Variants in MRGPRX3 observed in about 807,000 individuals in gnomAD.
The protein encoded by MRGPRX3 is MAS related GPR family member X3.
In MRGPRX3, 14 loss-of-function variants were observed where a neutral mutation model predicts 16.5. The ratio of observed to expected loss-of-function variants is 0.85; its 90% confidence interval spans 0.56 to 1.33. The LOEUF (loss-of-function observed/expected upper bound fraction) is 1.33, where lower values mean the gene tolerates loss of function less well. Ranked by LOEUF, MRGPRX3 falls within the 40% of genes most tolerant of loss-of-function variation. MRGPRX3 has a pLI of 0.00. For missense variants in MRGPRX3, 449 were observed against 413.0 expected, an observed-to-expected ratio of 1.09 and a Z score of -0.76; for synonymous variants, 199 against 180.1, an observed-to-expected ratio of 1.10 and a Z score of -0.84.
chr11:18,121,790 G>C (rs556992415), intron 1 of MRGPRX3, among the ~76,000 whole-genome samples: 2 of 152,220 alleles, frequency 1.3e-5, no homozygotes, highest in South Asian at 2.1e-4. Flanking sequence ...TTAAACAGAC[G>C]CTTGAAGGCA....
At chr11:18,132,563 G>A (rs1362494609), upstream of MRGPRX3, 2 of 152,202 alleles carry the variant, frequency 1.3e-5, no homozygotes, top group Admixed American at 1.3e-4. Flanking sequence ...GAAATAACAA[G>A]ACTGTCCAGC....
At chr11:18,131,561 A>C (rs1016733768), upstream of MRGPRX3, among the ~76,000 whole-genome samples, 1 of 152,190 alleles carries the variant, frequency 6.6e-6, no homozygotes, top group Admixed American at 6.5e-5. Flanking sequence ...GTGGTGATAA[A>C]GGAACACTTT....
chr11:18,127,504 G>A (rs955502916), intron 1 of MRGPRX3, among the ~76,000 whole-genome samples: 1 of 151,992 alleles, frequency 6.6e-6, no homozygotes, highest in Non-Finnish European at 1.5e-5. Context: ...TTCTCTTCTT[G>A]CTTCATTTCA....
At chr11:18,122,313 A>G (rs1848848408) in intron 1 of MRGPRX3, among the ~76,000 whole-genome samples, 1 of 152,130 alleles carries the variant, frequency 6.6e-6, no homozygotes, top group Non-Finnish European at 1.5e-5. Flanking sequence ...TTAACTTGTC[A>G]TTTACATTAG....
chr11:18,124,459 T>C (rs1268123996), intron 1 of MRGPRX3, among the ~76,000 whole-genome samples: 7 of 152,248 alleles, frequency 4.6e-5, no homozygotes, highest in Non-Finnish European at 8.8e-5. Flanking sequence ...GTGGTTTTTG[T>C]CTTTGGTTCT....
chr11:18,131,524 C>A (rs1473867519), upstream of MRGPRX3, among the ~76,000 whole-genome samples: 1 of 152,072 alleles, frequency 6.6e-6, no homozygotes, highest in Non-Finnish European at 1.5e-5. Context: ...ATTTAAAAAT[C>A]TAAAAATAAT....
chr11:18,123,984 CTGTT>C (rs59985572), intron 1 of MRGPRX3, among the ~76,000 whole-genome samples: 7,743 of 152,136 alleles, frequency 0.051, 648 homozygotes, highest in African/African-American at 0.18. Flanking sequence ...ATTTGGCTCT[CTGTT>C]TGTCTGTTAT....
upstream of MRGPRX3, among the ~76,000 whole-genome samples, chr11:18,128,607 G>A (rs974469249): frequency 5.9e-5 from 9 of 152,204 alleles, no homozygotes; most frequent in Admixed American, 2.0e-4. Flanking sequence ...CTGGTGTGCC[G>A]TTTGCTAAGA....
chr11:18,132,988 T>C (rs1848976480), intron 1 of MRGPRX3, among the ~76,000 whole-genome samples: 1 of 152,188 alleles, frequency 6.6e-6, no homozygotes, highest in South Asian at 2.1e-4. Flanking sequence ...CAATCTGCCC[T>C]CATGGAGAGA....
At chr11:18,129,724 A>T (rs1197157594), upstream of MRGPRX3, among the ~76,000 whole-genome samples, 1 of 152,210 alleles carries the variant, frequency 6.6e-6, no homozygotes, top group Non-Finnish European at 1.5e-5. Context: ...GAAAGGATAT[A>T]CAAAAAAGAA....
intron 1 of MRGPRX3, among the ~76,000 whole-genome samples, chr11:18,123,824 G>A (rs1848864135): frequency 6.6e-6 from 1 of 152,326 alleles, no homozygotes; most frequent in African/African-American, 2.4e-5. Flanking sequence ...CCATGAGCAT[G>A]GAATGTTCTT....
upstream of MRGPRX3, among the ~76,000 whole-genome samples, chr11:18,128,213 G>C (rs930455879): frequency 6.6e-6 from 1 of 152,156 alleles, no homozygotes; most frequent in Admixed American, 6.5e-5. Flanking sequence ...GGAATCAGGG[G>C]GTCATGGGGT....
rs1209514970 is a variant in MRGPRX3 at position 18,124,753 on chromosome 11, A to G, written c.-152+3589A>G. On this transcript the variant is annotated intron_variant, in intron 1 of 2. Coordinates refer to the MRGPRX3 transcript ENST00000396275. Reference sequence around the variant, plus strand: ...TTTTTCTATTGATTGGAATAATTTCAGAAGGAATGGTACCAGCTCCTCCTT... The same window carrying G: ...TTTTTCTATTGATTGGAATAATTTCGGAAGGAATGGTACCAGCTCCTCCTT... Among the ~76,000 whole-genome samples the G allele has an allele frequency of 2.6e-5, 4 of 152,262 alleles. No homozygotes were observed. In the East Asian group the frequency reaches 5.8e-4, roughly 22 times the overall value.
Position 18,137,511 on chromosome 11 carries a change from C to CT in MRGPRX3, c.312dup (p.Pro105SerfsTer58). On this transcript the variant is annotated frameshift_variant, in exon 2 of 2. Transcript: ENST00000621697. LOFTEE classifies it high-confidence loss of function. ...CCAAAATCCTCAGTCCTGTGATGAC[C>CT]TTTCCCTACTTTATAGGCCTAAGCA... is the stretch of plus-strand genomic sequence containing the variant. The CT allele has an allele frequency of 6.2e-7, 1 of 1,614,196 alleles. No individual in the cohort carries two copies. The highest frequency in any genetic ancestry group is 1.6e-4 in the Middle Eastern group (1 of 6,062).
intron 1 of MRGPRX3, among the ~76,000 whole-genome samples, chr11:18,126,303 C>T (rs1340086572): frequency 5.3e-5 from 8 of 152,186 alleles, no homozygotes; most frequent in African/African-American, 1.9e-4. Context: ...GTCTTTACAA[C>T]TGGCATGTTT....
chr11:18,133,043 C>T (rs1448109101), intron 1 of MRGPRX3, among the ~76,000 whole-genome samples: 4 of 152,232 alleles, frequency 2.6e-5, no homozygotes, highest in African/African-American at 9.6e-5. Context: ...GACATGCAGG[C>T]ATTTCTTCCC....
chr11:18,134,278 C>T (rs1039896965), intron 1 of MRGPRX3, among the ~76,000 whole-genome samples: 1 of 152,098 alleles, frequency 6.6e-6, no homozygotes, highest in African/African-American at 2.4e-5. Context: ...TATAGTTGTG[C>T]CTCTGGGTCA....
At chr11:18,134,607 A>G (rs1283208909) in intron 1 of MRGPRX3, among the ~76,000 whole-genome samples, 1 of 152,220 alleles carries the variant, frequency 6.6e-6, no homozygotes, top group South Asian at 2.1e-4. Context: ...CACAAAAATG[A>G]CACTCTTCGA....
At chr11:18,129,431 AC>A (rs1848938239), upstream of MRGPRX3, among the ~76,000 whole-genome samples, 1 of 152,210 alleles carries the variant, frequency 6.6e-6, no homozygotes, top group South Asian at 2.1e-4. Context: ...AAACCAGAAA[AC>A]CTGGAGGTTA....
Sources: gnomAD v4.1 joint callset for allele counts (sites outside exome capture counted in the v4.1 genomes callset) on GRCh38, gnomAD v4.1.1 for gene constraint, MANE v1.5 for transcripts, NCBI Gene and HGNC (gene_info 2026-07-23, HGNC 2026-07-21) for gene names.